Variants in DLG2 observed in about 807,000 individuals in gnomAD.
DLG2 encodes discs large MAGUK scaffold protein 2.
DLG2 carries 45 observed loss-of-function variants against 132.5 expected under a neutral mutation model. The ratio of observed to expected loss-of-function variants is 0.34; its 90% confidence interval spans 0.27 to 0.44. DLG2 has a LOEUF of 0.44. Among genes scored for constraint, DLG2 ranks in the 20% least tolerant of loss-of-function variants. The pLI is 1.00. For missense variants in DLG2, 1,045 were observed against 1,196.9 expected (o/e 0.87, Z 1.87); for synonymous variants, 424 against 419.6 (o/e 1.01, Z -0.13).
At chr11:84,315,686 G>A (rs1012247806) in intron 7 of DLG2, among the ~76,000 whole-genome samples, 4 of 152,022 alleles carry the variant, frequency 2.6e-5, no homozygotes, top group African/African-American at 9.7e-5. Context: ...AAATCAGGAG[G>A]CTGAGATGCT....
At chr11:84,203,313 T>A (rs912310849) in intron 8 of DLG2, among the ~76,000 whole-genome samples, 1 of 152,116 alleles carries the variant, frequency 6.6e-6, no homozygotes, top group Non-Finnish European at 1.5e-5. Flanking sequence ...CCAGGTGTGG[T>A]GGCTCACGCC....
At chr11:84,454,953 T>C (rs1015454428) in intron 7 of DLG2, among the ~76,000 whole-genome samples, 2 of 151,500 alleles carry the variant, frequency 1.3e-5, no homozygotes, top group East Asian at 1.9e-4. Context: ...ATCTATCAGA[T>C]TGCACTTGAA....
chr11:83,899,316 C>G (rs1268462964), intron 15 of DLG2, among the ~76,000 whole-genome samples: 1 of 152,176 alleles, frequency 6.6e-6, no homozygotes, highest in Non-Finnish European at 1.5e-5. Context: ...ATCCTGTCTT[C>G]TTGATCTCAC....
intron 2 of DLG2, among the ~76,000 whole-genome samples, chr11:85,601,826 A>G (rs1226127630): frequency 2.0e-5 from 3 of 152,126 alleles, no homozygotes; most frequent in African/African-American, 7.2e-5. Context: ...TAATTTCTCA[A>G]TGAGGGCTTA....
chr11:85,607,572 TAAGA>T lies in DLG2; in HGVS notation c.-92-8788_-92-8785del, dbSNP rs575384590. On this transcript the variant is annotated intron_variant, in intron 2 of 27. Coordinates refer to ENST00000376104, the MANE Select transcript of DLG2 (RefSeq NM_001142699.3). ...TCTGGTGCTTTTCTAGTTTCTCCTATAAGAATGATTTCTAGTATAAACTCCAGGA... is the reference window on the plus strand; with the variant it reads ...TCTGGTGCTTTTCTAGTTTCTCCTATATGATTTCTAGTATAAACTCCAGGA... Among the ~76,000 whole-genome samples the T allele has an allele frequency of 2.2e-3, 329 of 152,316 alleles. 1 individual carries two copies. Among genetic ancestry groups the T allele is most frequent in the African/African-American group, 7.6e-3 (316 of 41,572 alleles).
intron 6 of DLG2, among the ~76,000 whole-genome samples, chr11:84,711,013 T>TAG (rs1276855224): frequency 1.0e-4 from 9 of 85,842 alleles, no homozygotes; most frequent in African/African-American, 3.7e-4. Flanking sequence ...TATATAGATA[T>TAG]ATATATATAT....
In DLG2 at chr11:84,169,532, A is replaced by AATTACCTT. The variant is rs2095762995; in HGVS notation, c.574-6022_574-6021insAAGGTAAT. Among the ~76,000 whole-genome samples the AATTACCTT allele has an allele frequency of 2.0e-5, 3 of 152,314 alleles. No individual in the cohort carries two copies. In the South Asian group the frequency reaches 6.2e-4, roughly 32 times the overall value. On this transcript the variant is annotated intron_variant, in intron 8 of 27. Coordinates refer to ENST00000376104, the MANE Select transcript of DLG2 (RefSeq NM_001142699.3). ...ATCTAAGATGCACTGCCTTGTGTAT[A>AATTACCTT]GGAATTACCTTAGCTTTTGTTCTCA...
At chr11:84,874,160 G>A (rs1600476886) in intron 6 of DLG2, among the ~76,000 whole-genome samples, 1 of 152,260 alleles carries the variant, frequency 6.6e-6, no homozygotes, top group East Asian at 1.9e-4. Flanking sequence ...GATTGTTGGG[G>A]CATAACACAC....
At chr11:83,513,622 G>T (rs2095156329) in intron 21 of DLG2, among the ~76,000 whole-genome samples, 1 of 152,152 alleles carries the variant, frequency 6.6e-6, no homozygotes, top group African/African-American at 2.4e-5. Context: ...GTCCTGAATG[G>T]TATTGCCTAG....
intron 5 of DLG2, among the ~76,000 whole-genome samples, chr11:85,153,257 T>C (rs1457813683): frequency 6.6e-6 from 1 of 152,206 alleles, no homozygotes; most frequent in Non-Finnish European, 1.5e-5. Flanking sequence ...TCTATCACAC[T>C]GTCCTACTTT....
Position 85,011,665 on chromosome 11 carries a change from C to T in DLG2, c.357+99996G>A, listed in dbSNP as rs141915035. Among the ~76,000 whole-genome samples, 4 of 152,216 alleles carry T rather than the reference C, an allele frequency of 2.6e-5. No individual in the cohort carries two copies. In the East Asian group the frequency reaches 7.7e-4, roughly 29 times the overall value. ...TGAGTTAAATTATTCTTAATGATTT[C>T]CTCTATAAGAAATTTTTCACTTCAT... On this transcript the variant is annotated intron_variant, in intron 6 of 27. Coordinates refer to ENST00000376104, the MANE Select transcript of DLG2 (RefSeq NM_001142699.3).
chr11:85,125,806 TACACACACACACACACACACAC>T (rs71465021), intron 5 of DLG2, among the ~76,000 whole-genome samples: 1 of 148,540 alleles, frequency 6.7e-6, no homozygotes, highest in African/African-American at 2.5e-5. Context: ...CCAGACATTA[TACACACACACACACACACACAC>T]ACACACACAC....
At chr11:85,136,743 A>G (rs2076166203) in intron 5 of DLG2, among the ~76,000 whole-genome samples, 1 of 152,218 alleles carries the variant, frequency 6.6e-6, no homozygotes, top group Non-Finnish European at 1.5e-5. Flanking sequence ...TGTTTCCAAC[A>G]GGGAAAAATA....
At chr11:84,360,156 T>C (rs953020039) in intron 7 of DLG2, among the ~76,000 whole-genome samples, 1 of 151,830 alleles carries the variant, frequency 6.6e-6, no homozygotes, top group African/African-American at 2.4e-5. Context: ...GGACAAATAC[T>C]AGGAAAATAT....
intron 6 of DLG2, among the ~76,000 whole-genome samples, chr11:84,971,704 A>C (rs1479331233): frequency 1.3e-5 from 2 of 152,190 alleles, no homozygotes; most frequent in Admixed American, 6.5e-5. Flanking sequence ...CTTTGATGGT[A>C]TCAAAAGCCC....
In DLG2 at chr11:84,893,045, C is replaced by A. The variant is rs114656097; in HGVS notation, c.357+218616G>T. 1.6e-3 allele frequency among the ~76,000 whole-genome samples: 236 copies of A among 152,230 alleles called. 2 individuals carry two copies. The highest frequency in any genetic ancestry group is 5.5e-3 in the African/African-American group (229 of 41,564). On this transcript the variant is annotated intron_variant, in intron 6 of 27. Coordinates refer to ENST00000376104, the MANE Select transcript of DLG2 (RefSeq NM_001142699.3). ...TACTGCCCATCAGAAACCGAGTAGA[C>A]ATTAAACAATTTTGACGCGTACTCT...
chr11:84,374,619 G>A (rs140208333), intron 7 of DLG2, among the ~76,000 whole-genome samples: 1 of 152,232 alleles, frequency 6.6e-6, no homozygotes, highest in Non-Finnish European at 1.5e-5. Flanking sequence ...ACCTGAAATT[G>A]TCACCTTGTT....
chr11:85,284,670 A>G (rs1220640513), intron 4 of DLG2, among the ~76,000 whole-genome samples: 2 of 151,952 alleles, frequency 1.3e-5, no homozygotes, highest in Non-Finnish European at 2.9e-5. Context: ...TATTTGTAAA[A>G]ACAAGTTGAT....
intron 7 of DLG2, among the ~76,000 whole-genome samples, chr11:84,529,602 C>T (rs1410043483): frequency 2.0e-5 from 3 of 152,152 alleles, no homozygotes; most frequent in African/African-American, 7.2e-5. Context: ...TAAAAGATCT[C>T]TACAACACGG....
Sources: gnomAD v4.1 joint callset for allele counts (sites outside exome capture counted in the v4.1 genomes callset) on GRCh38, gnomAD v4.1.1 for gene constraint, MANE v1.5 for transcripts, NCBI Gene and HGNC (gene_info 2026-07-23, HGNC 2026-07-21) for gene names.